Variants in CPVL observed in about 807,000 individuals in gnomAD.
CPVL encodes probable serine carboxypeptidase CPVL.
A neutral mutation model predicts 63.7 loss-of-function variants in CPVL; 51 were observed. That is an observed-to-expected ratio of 0.80 (90% CI 0.64 to 1.01). CPVL has a LOEUF of 1.01. Ranked by LOEUF, CPVL falls within the 50% of genes least tolerant of loss-of-function variation. The pLI is 0.00. For missense variants in CPVL, 530 were observed against 573.1 expected (o/e 0.92, Z 0.77); for synonymous variants, 195 against 206.0 (o/e 0.95, Z 0.46).
At chr7:28,996,337 C>G (rs1028659642) in intron 12 of CPVL, 1 of 152,790 alleles carries the variant, frequency 6.5e-6, no homozygotes, top group Non-Finnish European at 1.5e-5. Context: ...TCACACTGAG[C>G]CATACCTTCC....
At chr7:29,156,373 T>C (rs1794374781) in intron 5 of CPVL, among the ~76,000 whole-genome samples, 1 of 152,218 alleles carries the variant, frequency 6.6e-6, no homozygotes, top group East Asian at 1.9e-4. Context: ...GAAGGACACA[T>C]TTTAATTAGA....
chr7:29,141,604 T>C (rs774372784), intron 1 of CPVL, among the ~76,000 whole-genome samples: 1 of 151,960 alleles, frequency 6.6e-6, no homozygotes, highest in African/African-American at 2.4e-5. Context: ...GCTTCAAATG[T>C]GGCTTCTGCC....
At chr7:29,174,374 C>G (rs998290373) in intron 5 of CPVL, among the ~76,000 whole-genome samples, 1 of 152,116 alleles carries the variant, frequency 6.6e-6, no homozygotes, top group Non-Finnish European at 1.5e-5. Context: ...TGAGGAGAGA[C>G]AGTAAAGCTT....
At chr7:29,078,486 T>A (rs1282478063) in intron 7 of CPVL, among the ~76,000 whole-genome samples, 1 of 152,220 alleles carries the variant, frequency 6.6e-6, no homozygotes, top group African/African-American at 2.4e-5. Flanking sequence ...TTAATTTGAC[T>A]TTTAAATAAA....
At chr7:29,102,162 T>C (rs1166327761) in intron 3 of CPVL, among the ~76,000 whole-genome samples, 1 of 152,172 alleles carries the variant, frequency 6.6e-6, no homozygotes, top group African/African-American at 2.4e-5. Flanking sequence ...CTCTGTGACC[T>C]TGGGCAAGTT....
At chr7:29,175,362 G>A (rs892378776) in intron 5 of CPVL, among the ~76,000 whole-genome samples, 1 of 151,986 alleles carries the variant, frequency 6.6e-6, no homozygotes, top group East Asian at 1.9e-4. Flanking sequence ...TTTCAGTAGA[G>A]AGGGGGTTTC....
chr7:29,145,748 A>G (rs377141274), intron 1 of CPVL: 4 of 152,348 alleles, frequency 2.6e-5, no homozygotes, highest in East Asian at 3.9e-4. Context: ...ACTGAGGTTT[A>G]GTAGGCTTAA....
chr7:29,141,864 G>A (rs1295028655), intron 1 of CPVL, among the ~76,000 whole-genome samples: 1 of 150,246 alleles, frequency 6.7e-6, no homozygotes, highest in Non-Finnish European at 1.5e-5. Flanking sequence ...GCAGTGAGCT[G>A]AGATTGTGCC....
intron 11 of CPVL, among the ~76,000 whole-genome samples, chr7:29,044,389 C>T (rs957183272): frequency 3.3e-5 from 5 of 152,050 alleles, no homozygotes; most frequent in Admixed American, 3.3e-4. Flanking sequence ...TGCACTCCAA[C>T]CTGGGTGACA....
chr7:29,074,615 G>A (rs549759359), intron 7 of CPVL, among the ~76,000 whole-genome samples: 1 of 151,966 alleles, frequency 6.6e-6, no homozygotes, highest in South Asian at 2.1e-4. Flanking sequence ...AAGGGATCTG[G>A]TGGGAGGTGA....
At chr7:28,998,043 T>C (rs937150207) in intron 12 of CPVL, among the ~76,000 whole-genome samples, 7 of 152,166 alleles carry the variant, frequency 4.6e-5, no homozygotes, top group African/African-American at 1.7e-4. Context: ...CATGCCCACT[T>C]TTTATCACAA....
chr7:29,030,802 G>A (rs369756398), intron 11 of CPVL, 43 bp from the exon 12 acceptor site: 175 of 1,530,026 alleles, frequency 1.1e-4, no homozygotes, highest in Non-Finnish European at 1.3e-4. Context: ...GATTCAGGAG[G>A]TGAAGCTCAT....
chr7:29,184,151 T>TGATAGATGGATA (rs1554355223), intron 4 of CPVL, among the ~76,000 whole-genome samples: 1 of 143,322 alleles, frequency 7.0e-6, no homozygotes, highest in African/African-American at 2.6e-5. Flanking sequence ...TACAGATAGA[T>TGATAGATGGATA]GATAGATAGA....
In CPVL at chr7:29,088,831, T is replaced by C. The variant is rs1785475915; in HGVS notation, c.543-2281A>G. 4.6e-5 allele frequency among the ~76,000 whole-genome samples: 7 copies of C among 151,974 alleles called. No individual in the cohort carries two copies. In the South Asian group the frequency reaches 1.5e-3, roughly 32 times the overall value. ...TTCTACTAAAAATACAAAAATTATCTGGGTGTGGTGGTGGGCGCCTGTAGT... is the reference window on the plus strand; with the variant it reads ...TTCTACTAAAAATACAAAAATTATCCGGGTGTGGTGGTGGGCGCCTGTAGT... On this transcript the variant is annotated intron_variant, in intron 6 of 12. Coordinates refer to ENST00000265394, the MANE Select transcript of CPVL (RefSeq NM_031311.5).
At chr7:29,126,505 AAT>A (rs1790040152) in intron 1 of CPVL, 1 of 152,248 alleles carries the variant, frequency 6.6e-6, no homozygotes, top group Non-Finnish European at 1.5e-5. Context: ...CCAGTAGCAT[AAT>A]CAGATTTGCA....
intron 5 of CPVL, among the ~76,000 whole-genome samples, chr7:29,172,462 C>A (rs1470915946): frequency 6.6e-6 from 1 of 152,080 alleles, no homozygotes; most frequent in Non-Finnish European, 1.5e-5. Context: ...ACCCATTTAT[C>A]ATCCAAAAAA....
rs756688128 is a variant in CPVL at position 29,086,548 on chromosome 7, G to A, written c.545C>T (p.Ala182Val). Reference sequence around the variant, plus strand: ...AAATATCTGGAAAAACTGAATTAGTGCACTGCAAAAAGAAGAACAAGAACA... The same window carrying A: ...AAATATCTGGAAAAACTGAATTAGTACACTGCAAAAAGAAGAACAAGAACA... Reference protein sequence around the residue: ...EDDVARDLYSALIQFFQIFPE... With the variant: ...EDDVARDLYSVLIQFFQIFPE... Residue 182 changes from alanine (A) to valine (V), a missense_variant and splice_region_variant, in exon 7 of 13, where the codon GCA (alanine) becomes GTA (valine). Physicochemically the swap from Ala to Val is moderately conservative, Grantham distance 64. Coordinates refer to ENST00000265394, the MANE Select transcript of CPVL (RefSeq NM_031311.5). The A allele has an allele frequency of 1.9e-6, 3 of 1,600,446 alleles. No homozygotes were observed. The highest frequency in any genetic ancestry group is 2.6e-6 in the Non-Finnish European group (3 of 1,167,796).
At chr7:29,017,862 G>T (rs952910524) in intron 12 of CPVL, among the ~76,000 whole-genome samples, 1 of 152,182 alleles carries the variant, frequency 6.6e-6, no homozygotes, top group African/African-American at 2.4e-5. Context: ...AGAATCTCTG[G>T]GCTGTAAGCC....
Position 29,072,357 on chromosome 7 carries a change from C to A in CPVL, c.676G>T (p.Val226Leu). ...GCAATTCCGTTCAGGTTGATCTTCA[C>A]CTCTCTCACAGGGTTGAGGGAATGG... ...LIHSLNPVRE[V>L]KINLNGIAIG... is the part of the protein sequence containing the mutation. The change falls in exon 8 of 13, where the codon GTG becomes TTG. Residue 226 changes from valine to leucine, a missense_variant. Coordinates refer to ENST00000265394, the MANE Select transcript of CPVL (RefSeq NM_031311.5). 1 of 1,614,054 alleles carries A rather than the reference C, an allele frequency of 6.2e-7. No individual in the cohort carries two copies.
Sources: allele counts gnomAD v4.1 joint callset (sites outside exome capture counted in the v4.1 genomes callset), GRCh38; gene constraint gnomAD v4.1.1; transcripts MANE v1.5; gene names NCBI Gene and HGNC (gene_info 2026-07-23, HGNC 2026-07-21).